HSD11B1: variants seen among roughly 807,000 people sequenced by gnomAD.
The protein encoded by HSD11B1 is 11-beta-hydroxysteroid dehydrogenase 1.
Under a neutral mutation model 22.1 loss-of-function variants are expected in HSD11B1, and 15 were observed. That is an observed-to-expected ratio of 0.68 (90% confidence interval 0.45 to 1.04). HSD11B1 has a LOEUF of 1.04. HSD11B1 is among the 50% of genes least tolerant of loss of function. The probability of loss-of-function intolerance (pLI) is 0.00; values close to 1 mark genes in which losing one functional copy is unlikely to be tolerated. For missense variants in HSD11B1, 281 were observed against 357.6 expected, an observed-to-expected ratio of 0.79 and a Z score of 1.73; for synonymous variants, 122 against 125.2, an observed-to-expected ratio of 0.97 and a Z score of 0.17.
intron 4 of HSD11B1, among the ~76,000 whole-genome samples, chr1:209,725,637 A>G (rs1214542128): frequency 6.6e-6 from 1 of 152,178 alleles, no homozygotes; most frequent in African/African-American, 2.4e-5. Flanking sequence ...AGGAGTTCCT[A>G]GATGATGTTC....
chr1:209,721,016 A>T (rs2076961841), intron 4 of HSD11B1, among the ~76,000 whole-genome samples: 1 of 152,146 alleles, frequency 6.6e-6, no homozygotes, highest in Non-Finnish European at 1.5e-5. Flanking sequence ...AGACAGAGAG[A>T]AGAAAAAGCC....
Position 209,732,715 on chromosome 1 carries a change from A to G in HSD11B1, c.661+136A>G, listed in dbSNP as rs542132626. 3.0e-5 allele frequency: 22 copies of G among 743,562 alleles called. No homozygotes were observed. In the East Asian group the frequency reaches 6.0e-4, roughly 20 times the overall value. The allele number at this position is 743,562 out of a possible 1,614,324, so 46.1% of individuals were successfully genotyped here. ...CTGCACCCATTAACTCGTCACTTAC[A>G]TTAGGTATATCTCCTAATGCTATCC... On this transcript the variant is annotated intron_variant, in intron 5 of 5. Coordinates refer to ENST00000367027, the MANE Select transcript of HSD11B1 (RefSeq NM_005525.4).
At chr1:209,728,450 T>C (rs2077016403) in intron 4 of HSD11B1, among the ~76,000 whole-genome samples, 1 of 152,214 alleles carries the variant, frequency 6.6e-6, no homozygotes. Flanking sequence ...GTTATATTAT[T>C]ATCCACATAT....
At position 209,719,019 on chromosome 1, in the gene HSD11B1, C is replaced by CAAAAAAAAAAAAAAAAAAA. The variant is rs56342028; in HGVS notation, c.517+11908_517+11909insAAAAAAAAAAAAAAAAAAA. Among the ~76,000 whole-genome samples the CAAAAAAAAAAAAAAAAAAA allele has an allele frequency of 3.6e-4, 13 of 35,668 alleles. 1 individual carries two copies. The highest frequency in any genetic ancestry group is 4.9e-4 in the Admixed American group (1 of 2,056). The allele number at this position is 35,668 out of a possible 152,430, so 23.4% of individuals were successfully genotyped here. ...TGGGTGACACAGTGAGACTCCATCTCAAAAAAAAAAAAAAAAAGGAAAGAA... is the reference window on the plus strand; with the variant it reads ...TGGGTGACACAGTGAGACTCCATCTCAAAAAAAAAAAAAAAAAAAAAAAAAAAAAAAAAAAAGGAAAGAA... On this transcript the variant is annotated intron_variant, in intron 4 of 5. Coordinates refer to ENST00000367027, the MANE Select transcript of HSD11B1 (RefSeq NM_005525.4).
At position 209,705,699 on chromosome 1, in the gene HSD11B1, G is replaced by A. The variant is rs1053428840; in HGVS notation, c.89-112G>A. On this transcript the variant is annotated intron_variant, in intron 1 of 5. Coordinates refer to ENST00000367027, the MANE Select transcript of HSD11B1 (RefSeq NM_005525.4). Reference sequence around the variant, plus strand: ...CGGAGTTTGTGACAAACTGATCTGGGCTCATAACCTTTAAGTTACAAATTG... The same window carrying A: ...CGGAGTTTGTGACAAACTGATCTGGACTCATAACCTTTAAGTTACAAATTG... The A allele has an allele frequency of 5.3e-6, 7 of 1,317,180 alleles. No homozygotes were observed. In the Admixed American group the frequency reaches 6.8e-5, roughly 13 times the overall value. The allele number at this position is 1,317,180 out of a possible 1,614,324, so 81.6% of individuals were successfully genotyped here.
intron 4 of HSD11B1, among the ~76,000 whole-genome samples, chr1:209,711,146 G>T (rs537129236): frequency 6.6e-6 from 1 of 152,152 alleles, no homozygotes; most frequent in African/African-American, 2.4e-5. Context: ...ATTATGAAGT[G>T]GGGGGAGAAA....
At chr1:209,707,681 G>C (rs2076868997) in intron 4 of HSD11B1, among the ~76,000 whole-genome samples, 1 of 151,766 alleles carries the variant, frequency 6.6e-6, no homozygotes, top group Non-Finnish European at 1.5e-5. Flanking sequence ...GTGCCTATTG[G>C]AAGCCTGAAT....
chr1:209,704,549 T>C (rs183290728), upstream of HSD11B1, among the ~76,000 whole-genome samples: 33 of 152,304 alleles, frequency 2.2e-4, no homozygotes, highest in African/African-American at 6.3e-4. Context: ...TGCACTCCTC[T>C]CTCTCTGTCT....
At chr1:209,699,435 A>C (rs1221335628) in intron 1 of HSD11B1, among the ~76,000 whole-genome samples, 1 of 152,168 alleles carries the variant, frequency 6.6e-6, no homozygotes, top group Non-Finnish European at 1.5e-5. Flanking sequence ...AAAGAAGCAA[A>C]AGCAGAAACC....
rs191828880 is a variant in HSD11B1, at chr1:209,715,049, G to A, written c.517+7921G>A. ...ATAGGGTAAAGAAGGCATTCACCAG[G>A]CATTCATGTAGCCTGGCACTGGGGT... is the stretch of plus-strand genomic sequence containing the variant. On this transcript the variant is annotated intron_variant, in intron 4 of 5. Transcript: ENST00000367027. Among the ~76,000 whole-genome samples, 128 of 152,296 alleles carry A rather than the reference G, an allele frequency of 8.4e-4. 1 individual carries two copies. In the East Asian group the frequency reaches 0.024, roughly 28 times the overall value.
intron 1 of HSD11B1, among the ~76,000 whole-genome samples, chr1:209,705,360 A>G (rs1197952395): frequency 2.1e-5 from 3 of 143,436 alleles, no homozygotes; most frequent in Admixed American, 7.0e-5. Flanking sequence ...GAAGAGACTG[A>G]TAAGTGGGAG....
At chr1:209,732,256 GC>G (rs2077040229) in intron 4 of HSD11B1, among the ~76,000 whole-genome samples, 179 bp from the exon 5 acceptor site, 1 of 152,096 alleles carries the variant, frequency 6.6e-6, no homozygotes, top group Non-Finnish European at 1.5e-5. Context: ...CCCACCCTAT[GC>G]CTTCGATACC....
chr1:209,732,467 T>C lies in HSD11B1; in HGVS notation c.549T>C (p.Tyr183=), dbSNP rs1223070879. ...TGGCTTATCCAATGGTTGCTGCCTA[T>C]TCTGCAAGCAAGTTTGCTTTGGATG... The part of the protein sequence containing the change: ...GKVAYPMVAA[Y]SASKFALDGF... Residue 183 remains tyrosine, a synonymous_variant, in exon 5 of 6, where the codon TAT becomes TAC. Transcript: ENST00000367027. 4.3e-6 allele frequency: 7 copies of C among 1,614,164 alleles called. No individual in the cohort carries two copies. The highest frequency in any genetic ancestry group is 5.9e-6 in the Non-Finnish European group (7 of 1,180,010).
chr1:209,733,686 T>C (rs1243172002), intron 5 of HSD11B1, among the ~76,000 whole-genome samples: 1 of 152,036 alleles, frequency 6.6e-6, no homozygotes, highest in Non-Finnish European at 1.5e-5. Flanking sequence ...ATGTGGCAGA[T>C]ATTAAAAGAA....
chr1:209,703,594 G>A (rs1325966458), upstream of HSD11B1, among the ~76,000 whole-genome samples: 1 of 151,914 alleles, frequency 6.6e-6, no homozygotes, highest in African/African-American at 2.4e-5. Flanking sequence ...ATCTCCTCTG[G>A]GTCTTAAATT....
intron 5 of HSD11B1, among the ~76,000 whole-genome samples, chr1:209,733,629 A>G (rs2077049097): frequency 6.6e-6 from 1 of 152,198 alleles, no homozygotes; most frequent in Non-Finnish European, 1.5e-5. Flanking sequence ...ACGGCCTACA[A>G]TTTTTACAAC....
At chr1:209,699,510 T>TC (rs976948456) in intron 1 of HSD11B1, among the ~76,000 whole-genome samples, 5 of 151,660 alleles carry the variant, frequency 3.3e-5, no homozygotes, top group African/African-American at 9.7e-5. Flanking sequence ...TTCAATTACC[T>TC]CCCCCAGGTA....
intron 1 of HSD11B1, 117 bp downstream of exon 1, chr1:209,705,147 C>A (rs1454689822): frequency 3.6e-6 from 3 of 833,620 alleles, no homozygotes; most frequent in Admixed American, 3.6e-5. Context: ...AATGAGGGAA[C>A]CCTGAGTTAA....
intron 4 of HSD11B1, among the ~76,000 whole-genome samples, chr1:209,708,219 G>T (rs1002784189): frequency 6.6e-6 from 1 of 152,154 alleles, no homozygotes; most frequent in African/African-American, 2.4e-5. Flanking sequence ...TTGTTGATTA[G>T]TCAGTTAGAA....
Sources: allele counts gnomAD v4.1 joint callset (sites outside exome capture counted in the v4.1 genomes callset), GRCh38; gene constraint gnomAD v4.1.1; transcripts MANE v1.5; gene names NCBI Gene and HGNC (gene_info 2026-07-23, HGNC 2026-07-21).